Variants in NUB1 observed in about 807,000 individuals in gnomAD.
NUB1 encodes the protein NEDD8 ultimate buster 1.
NUB1 carries 41 observed loss-of-function variants against 77.1 expected under a neutral mutation model. The ratio of observed to expected loss-of-function variants is 0.53; its 90% confidence interval spans 0.41 to 0.69. The LOEUF (loss-of-function observed/expected upper bound fraction) is 0.69. NUB1 is among the 30% of genes least tolerant of loss of function. The pLI, the probability that NUB1 is intolerant of heterozygous loss-of-function variation, is 0.00. For synonymous variants in NUB1, 257 were observed against 281.0 expected, an observed-to-expected ratio of 0.91 and a Z score of 0.85; for missense variants, 643 against 743.8, an observed-to-expected ratio of 0.86 and a Z score of 1.58.
At chr7:151,353,158 C>G (rs917737532) in intron 5 of NUB1, among the ~76,000 whole-genome samples, 4 of 152,152 alleles carry the variant, frequency 2.6e-5, no homozygotes, top group African/African-American at 9.7e-5. Context: ...GTGTAAGATG[C>G]CAGTTCCAGC....
intron 14 of NUB1, 63 bp from the exon 15 acceptor site, chr7:151,376,984 T>C (rs1798322072): frequency 1.4e-6 from 2 of 1,443,824 alleles, no homozygotes; most frequent in Non-Finnish European, 1.9e-6. Flanking sequence ...TTGACTGTGG[T>C]CGTGCAGTGT....
At chr7:151,376,927 G>A (rs1019936592) in intron 14 of NUB1, 116 bp downstream of exon 14, 74 of 1,426,122 alleles carry the variant, frequency 5.2e-5, no homozygotes, top group South Asian at 4.2e-4. Flanking sequence ...TGACGTCACC[G>A]GGCCGGCCAC....
intron 2 of NUB1, 65 bp downstream of exon 2, chr7:151,345,531 G>A (rs1796463429): frequency 1.1e-6 from 1 of 903,976 alleles, no homozygotes; most frequent in South Asian, 1.6e-5. Flanking sequence ...ATAAGATTCT[G>A]AATTGTCAGG....
At chr7:151,352,534 C>T (rs1263895511) in intron 4 of NUB1, among the ~76,000 whole-genome samples, 3 of 152,146 alleles carry the variant, frequency 2.0e-5, no homozygotes, top group Non-Finnish European at 2.9e-5. Flanking sequence ...ACCTCAAACT[C>T]GCGGTTCAAG....
At chr7:151,352,978 T>C (rs1020164376) in intron 5 of NUB1, 96 bp downstream of exon 5, 1 of 646,334 alleles carries the variant, frequency 1.5e-6, no homozygotes, top group African/African-American at 1.9e-5. Flanking sequence ...AATTTGTAGC[T>C]TTATTTCATT....
chr7:151,371,460 G>A (rs912889775), intron 11 of NUB1, among the ~76,000 whole-genome samples: 4 of 147,762 alleles, frequency 2.7e-5, no homozygotes, highest in Non-Finnish European at 5.9e-5. Context: ...CTTGTGATTG[G>A]GCAGCCTTGA....
chr7:151,376,502 T>C (rs1003025846), intron 13 of NUB1, 132 bp from the exon 14 acceptor site: 1 of 859,296 alleles, frequency 1.2e-6, no homozygotes, highest in Non-Finnish European at 1.7e-6. Context: ...AAGCATGACT[T>C]GTGCACAAAG....
intron 11 of NUB1, among the ~76,000 whole-genome samples, chr7:151,370,387 C>G (rs1797900108): frequency 6.6e-6 from 1 of 152,138 alleles, no homozygotes; most frequent in African/African-American, 2.4e-5. Context: ...CTGCGACCAG[C>G]TGAAAAGTTG....
chr7:151,348,008 G>A (rs1162325386), intron 2 of NUB1, among the ~76,000 whole-genome samples: 1 of 152,176 alleles, frequency 6.6e-6, no homozygotes, highest in Non-Finnish European at 1.5e-5. Context: ...CTGGAAGTGT[G>A]TTTGGATTTT....
chr7:151,364,982 T>A (rs978966616), intron 8 of NUB1, among the ~76,000 whole-genome samples: 11 of 151,638 alleles, frequency 7.3e-5, no homozygotes, highest in Non-Finnish European at 1.5e-4. Context: ...TGAAATTTTT[T>A]ATTTTTATAA....
At chr7:151,342,175 TG>T (rs1389988758) in intron 1 of NUB1, among the ~76,000 whole-genome samples, 1 of 152,220 alleles carries the variant, frequency 6.6e-6, no homozygotes, top group East Asian at 1.9e-4. Flanking sequence ...ATGCTATACT[TG>T]AATCGTAACA....
Position 151,368,837 on chromosome 7 carries a change from T to A in NUB1, c.1198T>A (p.Cys400Ser). ...GGAAGCCCGGCTTGGCCTGAGGGCGTGTGATGGGAACGTGGATCATGCGGC... is the reference window on the plus strand; with the variant it reads ...GGAAGCCCGGCTTGGCCTGAGGGCGAGTGATGGGAACGTGGATCATGCGGC... Reference protein sequence around the residue: ...AQEARLGLRACDGNVDHAATH... With the variant: ...AQEARLGLRASDGNVDHAATH... Residue 400 changes from cysteine to serine, a missense_variant, in exon 11 of 15, where the codon TGT (cysteine) becomes AGT (serine). Physicochemically the swap from Cys to Ser is moderately radical, Grantham distance 112. Coordinates refer to ENST00000568733, the MANE Select transcript of NUB1 (RefSeq NM_001243351.2). 1 of 1,614,002 alleles carries A rather than the reference T, an allele frequency of 6.2e-7. No homozygotes were observed. The highest frequency in any genetic ancestry group is 1.1e-5 in the South Asian group (1 of 91,070).
At chr7:151,368,955 T>A (rs1300183670) in intron 11 of NUB1, 68 bp downstream of exon 11, 1 of 1,473,112 alleles carries the variant, frequency 6.8e-7, no homozygotes, top group Non-Finnish European at 9.1e-7. Context: ...CCCACAGGAG[T>A]GTTAATAACC....
chr7:151,366,982 G>T lies in NUB1; in HGVS notation c.844G>T (p.Val282Phe). The T allele has an allele frequency of 6.2e-7, 1 of 1,613,254 alleles. No individual in the cohort carries two copies. Among genetic ancestry groups the T allele is most frequent in the South Asian group, 1.1e-5 (1 of 90,956 alleles). Reference protein sequence around the residue: ...ELLDTVDNYAVLQLDIVWCYF... With the variant: ...ELLDTVDNYAFLQLDIVWCYF... ...GCTGGACACAGTGGATAACTACGCC[G>T]TCCTCCAGCTGGATATAGTGTGGTG... is the stretch of plus-strand genomic sequence containing the variant. Residue 282 changes from valine (V) to phenylalanine (F), a missense_variant, in exon 9 of 15, where the codon GTC becomes TTC. Val to Phe is a conservative substitution (Grantham distance 50). Coordinates refer to ENST00000568733, the MANE Select transcript of NUB1 (RefSeq NM_001243351.2).
chr7:151,343,251 A>T (rs1584928777), intron 1 of NUB1, among the ~76,000 whole-genome samples: 1 of 152,254 alleles, frequency 6.6e-6, no homozygotes, highest in Non-Finnish European at 1.5e-5. Flanking sequence ...GGTTGCACAC[A>T]GCAGCCTCAT....
chr7:151,365,727 G>C (rs1797642259), intron 8 of NUB1, among the ~76,000 whole-genome samples: 1 of 152,214 alleles, frequency 6.6e-6, no homozygotes, highest in South Asian at 2.1e-4. Flanking sequence ...CATGGTGTAT[G>C]TGTTCTCAAA....
At chr7:151,368,396 C>T (rs1444792990) in intron 10 of NUB1, among the ~76,000 whole-genome samples, 1 of 152,246 alleles carries the variant, frequency 6.6e-6, no homozygotes, top group Non-Finnish European at 1.5e-5. Context: ...TTCGACTTCA[C>T]TACCTGGCTA....
rs750272481 is a variant in NUB1 at position 151,351,414 on chromosome 7, T to C, written c.286-10T>C. The C allele has an allele frequency of 4.8e-5, 77 of 1,603,318 alleles. No individual in the cohort carries two copies. Among genetic ancestry groups the C allele is most frequent in the Admixed American group, 1.5e-4 (9 of 59,262 alleles). ...TTCAAGTACGTTTTACTTTGTCTTA[T>C]TTTTAACAGGATAGGAAAAACTTGT... On this transcript the variant is annotated splice_polypyrimidine_tract_variant and intron_variant, in intron 3 of 14. Coordinates refer to ENST00000568733, the MANE Select transcript of NUB1 (RefSeq NM_001243351.2).
Position 151,366,716 on chromosome 7 carries a change from C to A in NUB1, c.801-223C>A, listed in dbSNP as rs142586708. On this transcript the variant is annotated intron_variant, in intron 8 of 14. Transcript: ENST00000568733. ...GGGCAAGTGGTGGTAAGCTTTGATT[C>A]CTAAGCCCTGATTTCTGATTTCTCT... 7.2e-5 allele frequency among the ~76,000 whole-genome samples: 11 copies of A among 152,234 alleles called. No homozygotes were observed. In the East Asian group the frequency reaches 2.1e-3, roughly 29 times the overall value.
Sources: gnomAD v4.1 joint callset for allele counts (sites outside exome capture counted in the v4.1 genomes callset) on GRCh38, gnomAD v4.1.1 for gene constraint, MANE v1.5 for transcripts, NCBI Gene and HGNC (gene_info 2026-07-23, HGNC 2026-07-21) for gene names.